FAM3D: variants seen among roughly 807,000 people sequenced by gnomAD.
The protein encoded by FAM3D is protein FAM3D.
FAM3D carries 26 observed loss-of-function variants against 29.8 expected under a neutral mutation model. The observed-to-expected ratio is 0.87, with a 90% CI of 0.64 to 1.21. The LOEUF (loss-of-function observed/expected upper bound fraction) is 1.21, where lower values mean the gene tolerates loss of function less well. FAM3D is among the 50% of genes most tolerant of loss of function. The probability of loss-of-function intolerance (pLI) is 0.00; values close to 1 mark genes in which losing one functional copy is unlikely to be tolerated. For synonymous variants in FAM3D, 115 were observed against 102.3 expected (o/e 1.12, Z -0.75); for missense variants, 253 against 290.9 (o/e 0.87, Z 0.95).
chr3:58,637,752 C>T (rs1054530445), intron 7 of FAM3D, among the ~76,000 whole-genome samples: 1 of 152,102 alleles, frequency 6.6e-6, no homozygotes, highest in Non-Finnish European at 1.5e-5. Context: ...CAAGGCTCTG[C>T]GTGTGTCTTT....
In FAM3D at chr3:58,664,994, C is replaced by T. The variant is rs568088630; in HGVS notation, c.-39+1582G>A. On this transcript the variant is annotated intron_variant, in intron 1 of 9. Coordinates refer to ENST00000358781, the MANE Select transcript of FAM3D (RefSeq NM_138805.3). ...ACCAGGAAATGTTGGCAAATGATGA[C>T]TTCGAGCATCCCCCACCGCAGGGAA... is the stretch of plus-strand genomic sequence containing the variant. Among the ~76,000 whole-genome samples the T allele has an allele frequency of 1.7e-4, 26 of 152,334 alleles. No homozygotes were observed. In the South Asian group the frequency reaches 5.2e-3, roughly 30 times the overall value.
At chr3:58,654,870 A>T (rs2066746858) in intron 2 of FAM3D, among the ~76,000 whole-genome samples, 1 of 152,182 alleles carries the variant, frequency 6.6e-6, no homozygotes, top group Admixed American at 6.5e-5. Context: ...GTATCAGCTC[A>T]TGTTCACCCA....
chr3:58,649,674 A>G (rs1008278034), intron 3 of FAM3D, among the ~76,000 whole-genome samples: 4 of 152,176 alleles, frequency 2.6e-5, no homozygotes, highest in African/African-American at 7.2e-5. Flanking sequence ...ACGTGTACAC[A>G]CACGCAGACA....
intron 7 of FAM3D, 37 bp downstream of exon 7, chr3:58,640,090 C>T: frequency 6.2e-7 from 1 of 1,612,154 alleles, no homozygotes. Context: ...TGCACCGCAC[C>T]CCCGACTGTG....
chr3:58,643,823 A>G, intron 5 of FAM3D, 103 bp from the exon 6 acceptor site: 1 of 1,015,572 alleles, frequency 9.8e-7, no homozygotes, highest in Non-Finnish European at 1.6e-6. Context: ...TAAGCAATGC[A>G]GAAGCATTGG....
At chr3:58,665,549 G>A (rs1202548996) in intron 1 of FAM3D, among the ~76,000 whole-genome samples, 13 of 152,122 alleles carry the variant, frequency 8.5e-5, no homozygotes, top group Non-Finnish European at 2.9e-5. Context: ...TAATCATTGT[G>A]TCTTTTTTAC....
rs762442846 is a variant in FAM3D, at chr3:58,636,192, C to T, written c.585+102G>A. On this transcript the variant is annotated intron_variant, in intron 9 of 9. Coordinates refer to ENST00000358781, the MANE Select transcript of FAM3D (RefSeq NM_138805.3). ...CAGGGGCCTCTCCCCAGACAATCCT[C>T]CCAATTTTAAGGCCCCTGGGAGGTG... 1.6e-4 allele frequency: 241 copies of T among 1,499,802 alleles called. 1 individual carries two copies. Among genetic ancestry groups the T allele is most frequent in the Non-Finnish European group, 1.6e-4 (183 of 1,119,940 alleles). The allele number at this position is 1,499,802 out of a possible 1,614,324, so 92.9% of individuals were successfully genotyped here.
At chr3:58,649,271 A>T (rs1559502330) in intron 4 of FAM3D, 44 bp downstream of exon 4, 1 of 1,602,918 alleles carries the variant, frequency 6.2e-7, no homozygotes, top group Non-Finnish European at 8.5e-7. Context: ...GCAGGGGGTG[A>T]GTGGATGAGG....
chr3:58,635,481 G>C lies in FAM3D; in HGVS notation c.585+813C>G, dbSNP rs1489918641. 6.6e-6 allele frequency among the ~76,000 whole-genome samples: 1 copy of C among 152,166 alleles called. No individual in the cohort carries two copies. Among genetic ancestry groups the C allele is most frequent in the African/African-American group, 2.4e-5 (1 of 41,430 alleles). On this transcript the variant is annotated intron_variant, in intron 9 of 9. Coordinates refer to ENST00000358781, the MANE Select transcript of FAM3D (RefSeq NM_138805.3). The surrounding 1 kb of genome is among the most constrained non-coding windows in gnomAD (Gnocchi z 5.2). ...GGATGAAGATGATGCTGGGCTTCCT[G>C]TACTCCCACGCCTCCTCTGTCTTGC...
intron 1 of FAM3D, among the ~76,000 whole-genome samples, chr3:58,659,096 T>G (rs1289771181): frequency 6.6e-6 from 1 of 152,068 alleles, no homozygotes; most frequent in Non-Finnish European, 1.5e-5. Flanking sequence ...TCTTCCTTTG[T>G]GAAAAGAAGG....
At chr3:58,662,275 C>T (rs564255859) in intron 1 of FAM3D, among the ~76,000 whole-genome samples, 10 of 152,306 alleles carry the variant, frequency 6.6e-5, no homozygotes, top group African/African-American at 1.7e-4. Flanking sequence ...TATTCATTTC[C>T]GTCTGAGACA....
chr3:58,653,533 C>T (rs2066706047), intron 3 of FAM3D, 141 bp downstream of exon 3: 5 of 803,028 alleles, frequency 6.2e-6, no homozygotes, highest in South Asian at 6.2e-5. Context: ...GGGGGTGCCC[C>T]CTCTCCCTGC....
Position 58,645,641 on chromosome 3 carries a change from G to C in FAM3D, c.146-15C>G. 6.2e-7 allele frequency: 1 copy of C among 1,609,750 alleles called. No homozygotes were observed. The highest frequency in any genetic ancestry group is 1.7e-4 in the Middle Eastern group (1 of 6,058). ...CTTTTTAACCTCTGGGGAGGAAAGA[G>C]ACCAGCCTTGGTGGGCAGAAGCTCA... On this transcript the variant is annotated splice_polypyrimidine_tract_variant and intron_variant, in intron 4 of 9. Transcript: ENST00000358781.
At chr3:58,652,634 C>A (rs1002353187) in intron 3 of FAM3D, among the ~76,000 whole-genome samples, 2 of 151,974 alleles carry the variant, frequency 1.3e-5, no homozygotes, top group Non-Finnish European at 2.9e-5. Flanking sequence ...CATCTGTTCT[C>A]CACCAACCCA....
intron 1 of FAM3D, among the ~76,000 whole-genome samples, chr3:58,658,898 T>C (rs1252296082): frequency 6.6e-6 from 1 of 152,164 alleles, no homozygotes; most frequent in Non-Finnish European, 1.5e-5. Context: ...GTGGTAGACG[T>C]GTCCTGCCAG....
Position 58,637,235 on chromosome 3 carries a change from G to A in FAM3D, c.374-10C>T. 1.2e-6 allele frequency: 2 copies of A among 1,607,034 alleles called. No individual in the cohort carries two copies. Among genetic ancestry groups the A allele is most frequent in the Non-Finnish European group, 1.7e-6 (2 of 1,176,052 alleles). ...ACTAGGTGCATAACATCTGGGGGAG[G>A]AAGGAAAAGGTGCTGGTGATTTAGG... On this transcript the variant is annotated splice_polypyrimidine_tract_variant and intron_variant, in intron 7 of 9. Transcript: ENST00000358781.
intron 6 of FAM3D, among the ~76,000 whole-genome samples, chr3:58,641,425 A>G (rs2066331529): frequency 6.6e-6 from 1 of 150,532 alleles, no homozygotes; most frequent in Admixed American, 6.6e-5. Context: ...CAGTGGTGTG[A>G]GCTTGGCTGA....
intron 3 of FAM3D, 85 bp from the exon 4 acceptor site, chr3:58,649,423 T>G (rs773721777): frequency 1.2e-5 from 18 of 1,523,860 alleles, no homozygotes; most frequent in Non-Finnish European, 1.5e-5. Flanking sequence ...GGCTGGGGAG[T>G]GGGAATAAGG....
At chr3:58,662,229 G>T (rs1448061734) in intron 1 of FAM3D, among the ~76,000 whole-genome samples, 1 of 152,190 alleles carries the variant, frequency 6.6e-6, no homozygotes, top group Non-Finnish European at 1.5e-5. Flanking sequence ...CAAGCATGAA[G>T]CATGAAGAGA....
Sources: allele counts gnomAD v4.1 joint callset (sites outside exome capture counted in the v4.1 genomes callset), GRCh38; gene constraint gnomAD v4.1.1; non-coding constraint Gnocchi (gnomAD v3.1); transcripts MANE v1.5; gene names NCBI Gene and HGNC (gene_info 2026-07-23, HGNC 2026-07-21).